The following UBN1 variants were observed in gnomAD, a reference collection of about 807,000 sequenced individuals.
UBN1 encodes ubinuclein 1, also known as ubinuclein-1.
Under a neutral mutation model 108.5 loss-of-function variants are expected in UBN1, and 17 were observed. The ratio of observed to expected loss-of-function variants is 0.16; its 90% CI spans 0.11 to 0.24. The LOEUF (loss-of-function observed/expected upper bound fraction) is 0.24, where lower values mean the gene tolerates loss of function less well. UBN1 is among the 10% of genes least tolerant of loss of function. The pLI, the probability that UBN1 is intolerant of heterozygous loss-of-function variation, is 1.00. For synonymous variants in UBN1, 726 were observed against 564.2 expected (o/e 1.29, Z -4.07); for missense variants, 1,595 against 1,394.4 (o/e 1.14, Z -2.29).
rs1395602 is a variant in UBN1, at chr16:4,861,238, A to G, written c.1110+136A>G. On this transcript the variant is annotated intron_variant, in intron 7 of 17. Coordinates refer to ENST00000262376, the MANE Select transcript of UBN1 (RefSeq NM_001079514.3). The stretch of plus-strand genomic sequence containing the variant: ...AAGGTGTCAGCTTTTTCCAAACCCT[A>G]TTCTCATCCTGAGGGAGAAAACAGT... The G allele has an allele frequency of 2.0e-5, 20 of 978,468 alleles. 1 individual carries two copies. In the South Asian group the frequency reaches 2.1e-4, roughly 10 times the overall value. The allele number at this position is 978,468 out of a possible 1,614,324, so 60.6% of individuals were successfully genotyped here.
At position 4,877,434 on chromosome 16, in the gene UBN1, A is replaced by G; in HGVS notation, c.3315A>G (p.Pro1105=). The change falls in exon 17 of 18, where the codon CCA becomes CCG. Residue 1105 remains proline, a synonymous_variant. Coordinates refer to ENST00000262376, the MANE Select transcript of UBN1 (RefSeq NM_001079514.3). The surrounding 1 kb of genome is among the most constrained non-coding windows in gnomAD (Gnocchi z 4.3). ...GCCCGCCCCATGCAGCGCCTCTCCC[A>G]CACGCTGCGGTGCCCACCCATATCC... The part of the protein sequence containing the change: ...HSSPPHAAPL[P]HAAVPTHIPQ... The G allele has an allele frequency of 6.2e-7, 1 of 1,612,292 alleles. No individual in the cohort carries two copies. Among genetic ancestry groups the G allele is most frequent in the Non-Finnish European group, 8.5e-7 (1 of 1,179,696 alleles).
rs746392088 is a variant in UBN1, at chr16:4,875,315, C to A, written c.2905C>A (p.Pro969Thr). The change falls in exon 15 of 18, where the codon CCT becomes ACT. Residue 969 changes from proline to threonine, a missense_variant. Pro to Thr is a conservative substitution (Grantham distance 38, BLOSUM62 -1). Coordinates refer to ENST00000262376, the MANE Select transcript of UBN1 (RefSeq NM_001079514.3). ...TTCCCAGAAGTTGACTCTGGTAGCC[C>A]CTCCAGGCGGTCCAAACGGAGATTC... ...PVSQKLTLVA[P>T]PGGPNGDSSG... The A allele has an allele frequency of 6.2e-7, 1 of 1,614,218 alleles. No homozygotes were observed. Among genetic ancestry groups the A allele is most frequent in the Non-Finnish European group, 8.5e-7 (1 of 1,180,052 alleles).
intron 1 of UBN1, among the ~76,000 whole-genome samples, chr16:4,848,872 G>A (rs368861729): frequency 3.3e-5 from 5 of 152,148 alleles, no homozygotes; most frequent in South Asian, 2.1e-4. Flanking sequence ...ATGCCGAGGC[G>A]GGTGGACCAC....
chr16:4,861,041 C>G lies in UBN1; in HGVS notation c.1049C>G (p.Pro350Arg). 1 of 1,614,112 alleles carries G rather than the reference C, an allele frequency of 6.2e-7. No individual in the cohort carries two copies. The highest frequency in any genetic ancestry group is 8.5e-7 in the Non-Finnish European group (1 of 1,180,046). Residue 350 changes from proline to arginine, a missense_variant, in exon 7 of 18, where the codon CCC becomes CGC. Coordinates refer to ENST00000262376, the MANE Select transcript of UBN1 (RefSeq NM_001079514.3). ...GGATTGGACCAGGAATTCAGGCAGC[C>G]CTCTTCTCTCCCCGAAGGCCTGCCA... ...GVGLDQEFRQ[P>R]SSLPEGLPAP...
At chr16:4,856,351 G>A (rs974100332) in intron 2 of UBN1, among the ~76,000 whole-genome samples, 3 of 152,208 alleles carry the variant, frequency 2.0e-5, no homozygotes, top group African/African-American at 7.2e-5. Flanking sequence ...GGTCTACTCT[G>A]CAGTGTTAAA....
Position 4,847,712 on chromosome 16 carries a change from C to T in UBN1, c.-538C>T, listed in dbSNP as rs1405069126. 1.7e-5 allele frequency: 3 copies of T among 172,000 alleles called. No individual in the cohort carries two copies. Among genetic ancestry groups the T allele is most frequent in the Non-Finnish European group, 3.7e-5 (3 of 81,506 alleles). The allele number at this position is 172,000 out of a possible 1,614,324, so 10.7% of individuals were successfully genotyped here. A position where few individuals can be genotyped will look rare whatever the true frequency, so the allele number is the denominator to read the frequency against. ...CCCGAGGCGCTGGTCGGCCCCGTCG[C>T]AGCGCCAGTGAGCTACCCTGACGGA... is the stretch of plus-strand genomic sequence containing the variant. On this transcript the variant is annotated 5_prime_UTR_variant, in exon 1 of 18. Coordinates refer to ENST00000262376, the MANE Select transcript of UBN1 (RefSeq NM_001079514.3).
chr16:4,856,130 G>GC (rs1213494092), intron 2 of UBN1, among the ~76,000 whole-genome samples: 2 of 152,230 alleles, frequency 1.3e-5, no homozygotes, highest in Non-Finnish European at 2.9e-5. Context: ...AGAGACAGGA[G>GC]CAGGAGTTGG....
At chr16:4,873,979 G>A (rs1214190818) in intron 14 of UBN1, among the ~76,000 whole-genome samples, 1 of 152,160 alleles carries the variant, frequency 6.6e-6, no homozygotes, top group Non-Finnish European at 1.5e-5. Context: ...TAGCAACGAA[G>A]CATGCCGGGG....
At chr16:4,866,879 C>T (rs1345980817) in intron 7 of UBN1, among the ~76,000 whole-genome samples, 5 of 152,156 alleles carry the variant, frequency 3.3e-5, no homozygotes, top group Admixed American at 6.5e-5. Context: ...AGACAATGGA[C>T]TGTAGTACAG....
chr16:4,849,684 C>G (rs1242109936), intron 1 of UBN1, among the ~76,000 whole-genome samples: 1 of 151,608 alleles, frequency 6.6e-6, no homozygotes, highest in Non-Finnish European at 1.5e-5. Context: ...CTGGACCTTC[C>G]CAGTCTAAAG....
rs2086273064 is a variant in UBN1, at chr16:4,847,837, TC to T, written c.-411del. The stretch of plus-strand genomic sequence containing the variant: ...CGGGAGGCCCCGGTGTCCGCGCCCG[TC>T]CGCTCCCGCCGCCCGTGTTCTTTGG... On this transcript the variant is annotated 5_prime_UTR_variant, in exon 1 of 18. Coordinates refer to ENST00000262376, the MANE Select transcript of UBN1 (RefSeq NM_001079514.3). The T allele has an allele frequency of 6.5e-6, 1 of 152,844 alleles. No individual in the cohort carries two copies. Among genetic ancestry groups the T allele is most frequent in the Admixed American group, 6.5e-5 (1 of 15,280 alleles). 9.5% of individuals were successfully genotyped at this position (152,844 alleles called of 1,614,324 possible).
chr16:4,858,757 G>C, intron 4 of UBN1, 94 bp downstream of exon 4: 1 of 1,239,460 alleles, frequency 8.1e-7, no homozygotes, highest in Non-Finnish European at 1.2e-6. Context: ...CAGAGCAGTC[G>C]TGCCCTCTTC....
intron 7 of UBN1, among the ~76,000 whole-genome samples, chr16:4,863,008 C>T (rs150138494): frequency 9.9e-4 from 150 of 152,262 alleles, no homozygotes; most frequent in African/African-American, 3.1e-3. Flanking sequence ...AGTTGATATT[C>T]GAGTCTTCAC....
In UBN1 at chr16:4,880,814, T is replaced by TTA. The variant is rs1463731714; in HGVS notation, c.*683_*684dup. On this transcript the variant is annotated 3_prime_UTR_variant, in exon 18 of 18. Coordinates refer to ENST00000262376, the MANE Select transcript of UBN1 (RefSeq NM_001079514.3). ...TTGGGCTCAGTTTTCATCATTACCA[T>TTA]TAAATGCATTGGATAGAAGGGGACT... 1 of 152,722 alleles carries TTA rather than the reference T, an allele frequency of 6.5e-6. No individual in the cohort carries two copies. The highest frequency in any genetic ancestry group is 1.5e-5 in the Non-Finnish European group (1 of 68,222). 9.5% of individuals were successfully genotyped at this position (152,722 alleles called of 1,614,324 possible).
Position 4,868,877 on chromosome 16 carries a change from C to G in UBN1, c.1155C>G (p.Thr385=), listed in dbSNP as rs1323441244. ...GGGAGAGCAGACAGAAGTTCTTCAC[C>G]CAGGATATTAATGGAATCCTATTAG... ...AEGESRQKFF[T]QDINGILLDI... Residue 385 remains threonine, a synonymous_variant, in exon 8 of 18, where the codon ACC becomes ACG. Coordinates refer to ENST00000262376, the MANE Select transcript of UBN1 (RefSeq NM_001079514.3). 3 of 1,613,738 alleles carry G rather than the reference C, an allele frequency of 1.9e-6. No homozygotes were observed. Among genetic ancestry groups the G allele is most frequent in the African/African-American group, 1.3e-5 (1 of 74,854 alleles).
At chr16:4,848,248 C>T (rs918367283) in intron 1 of UBN1, 38 bp downstream of exon 1, 1 of 152,268 alleles carries the variant, frequency 6.6e-6, no homozygotes, top group Non-Finnish European at 1.5e-5. Context: ...TCTCGTTAGC[C>T]TTGCCCTAGT....
At chr16:4,871,652 T>A (rs2087642875) in intron 12 of UBN1, among the ~76,000 whole-genome samples, 1 of 143,742 alleles carries the variant, frequency 7.0e-6, no homozygotes, top group Admixed American at 7.3e-5. Flanking sequence ...AGTGGTATGA[T>A]CTCAGCTCAC....
intron 7 of UBN1, 68 bp from the exon 8 acceptor site, chr16:4,868,765 C>A: frequency 6.6e-7 from 1 of 1,517,934 alleles, no homozygotes; most frequent in South Asian, 1.2e-5. Context: ...ACTCCTGTGC[C>A]TGTGGGTGAG....
At position 4,858,060 on chromosome 16, in the gene UBN1, A is replaced by T; in HGVS notation, c.320A>T (p.Lys107Ile). 1 of 1,612,224 alleles carries T rather than the reference A, an allele frequency of 6.2e-7. No individual in the cohort carries two copies. Among genetic ancestry groups the T allele is most frequent in the Non-Finnish European group, 8.5e-7 (1 of 1,178,862 alleles). The change falls in exon 3 of 18, where the codon AAA (lysine) becomes ATA (isoleucine). Residue 107 changes from lysine to isoleucine, a missense_variant. Lys to Ile is a moderately radical substitution (Grantham distance 102). Transcript: ENST00000262376. ...CATAAAGTAGAGGCCCTTGCCCGAA[A>T]ATTTGAAGAAAAATACGTAAGATTT... is the stretch of plus-strand genomic sequence containing the variant. ...ERHKVEALAR[K>I]FEEKYGGKKR...
Sources: allele counts gnomAD v4.1 joint callset (sites outside exome capture counted in the v4.1 genomes callset), GRCh38; gene constraint gnomAD v4.1.1; non-coding constraint Gnocchi (gnomAD v3.1); transcripts MANE v1.5; gene names NCBI Gene and HGNC (gene_info 2026-07-23, HGNC 2026-07-21).